UTRN: variants seen among roughly 807,000 people sequenced by gnomAD.
UTRN encodes the protein utrophin.
UTRN carries 283 observed loss-of-function variants against 463.9 expected under a neutral mutation model. The observed-to-expected ratio is 0.61, with a 90% CI of 0.55 to 0.67. The LOEUF is 0.67. UTRN is among the 30% of genes least tolerant of loss of function. The pLI, the probability that UTRN is intolerant of heterozygous loss-of-function variation, is 0.00. For missense variants in UTRN, 3,922 were observed against 4,084.3 expected (o/e 0.96, Z 1.08); for synonymous variants, 1,442 against 1,431.5 (o/e 1.01, Z -0.17).
rs1586786796 is a variant in UTRN at position 144,840,054 on chromosome 6, G to A, written c.10178-686G>A. ...AATACAAAAATTAGCCAGGCGTGGT[G>A]GAGCACTCCTGTAGTCCCAGCTACT... On this transcript the variant is annotated intron_variant, in intron 72 of 74. Transcript: ENST00000367545. Among the ~76,000 whole-genome samples the A allele has an allele frequency of 2.0e-5, 3 of 152,144 alleles. No homozygotes were observed. The South Asian group carries it at 6.2e-4, about 32-fold the overall frequency.
At chr6:144,352,470 C>T (rs1778192094) in intron 2 of UTRN, among the ~76,000 whole-genome samples, 1 of 152,134 alleles carries the variant, frequency 6.6e-6, no homozygotes, top group South Asian at 2.1e-4. Flanking sequence ...GGACATTTTG[C>T]AAGTTGGTTG....
At chr6:144,649,879 A>G (rs1778634795) in intron 51 of UTRN, among the ~76,000 whole-genome samples, 1 of 152,194 alleles carries the variant, frequency 6.6e-6, no homozygotes, top group African/African-American at 2.4e-5. Flanking sequence ...CATGCAGCAT[A>G]CAGAACTGGA....
At chr6:144,790,307 A>G (rs953185128) in intron 62 of UTRN, among the ~76,000 whole-genome samples, 6 of 152,170 alleles carry the variant, frequency 3.9e-5, no homozygotes, top group African/African-American at 1.2e-4. Flanking sequence ...TTTGTGGGAG[A>G]GGTTTAGGGA....
intron 53 of UTRN, 72 bp downstream of exon 53, chr6:144,700,315 G>A: frequency 6.8e-7 from 1 of 1,478,690 alleles, no homozygotes; most frequent in East Asian, 2.4e-5. Flanking sequence ...TACAATTATA[G>A]ATAAGTATCA....
chr6:144,673,391 A>G (rs920165483), intron 51 of UTRN, among the ~76,000 whole-genome samples: 3 of 151,914 alleles, frequency 2.0e-5, no homozygotes, highest in African/African-American at 4.8e-5. Flanking sequence ...TTTTATCATT[A>G]TATAATATCC....
chr6:144,761,508 A>T (rs1469082719), intron 58 of UTRN, among the ~76,000 whole-genome samples: 1 of 152,030 alleles, frequency 6.6e-6, no homozygotes, highest in African/African-American at 2.4e-5. Context: ...TTAGCTGGGC[A>T]TGGTAACATG....
In UTRN at chr6:144,757,692, A is replaced by T. The variant is rs150680101; in HGVS notation, c.8435-237A>T. On this transcript the variant is annotated intron_variant, in intron 57 of 74. Coordinates refer to ENST00000367545, the MANE Select transcript of UTRN (RefSeq NM_007124.3). ...CATTTGAAAGTTTAAAAGTATTTTT[A>T]TCAACAGGTTAGATTAGTTGGCATT... is the stretch of plus-strand genomic sequence containing the variant. Among the ~76,000 whole-genome samples the T allele has an allele frequency of 7.4e-3, 1,132 of 152,226 alleles. 21 individuals carry two copies. Among genetic ancestry groups the T allele is most frequent in the South Asian group, 0.047 (227 of 4,826 alleles).
intron 51 of UTRN, among the ~76,000 whole-genome samples, chr6:144,579,518 G>T (rs1485347964): frequency 3.3e-5 from 5 of 152,086 alleles, no homozygotes; most frequent in African/African-American, 1.2e-4. Context: ...AGAGTTTAAT[G>T]ATGTCTTCTG....
At chr6:144,621,989 G>A (rs1405631155) in intron 51 of UTRN, among the ~76,000 whole-genome samples, 2 of 150,104 alleles carry the variant, frequency 1.3e-5, no homozygotes, top group Middle Eastern at 3.2e-3. Context: ...TAAAGCTCTT[G>A]CTTATTTTTG....
intron 51 of UTRN, among the ~76,000 whole-genome samples, chr6:144,590,843 T>TACACACACAC (rs10531216): frequency 1.4e-5 from 2 of 145,900 alleles, no homozygotes; most frequent in Admixed American, 6.8e-5. Context: ...TCTCTCAATC[T>TACACACACAC]ACACACACAC....
At chr6:144,484,246 G>A (rs566423918) in intron 27 of UTRN, among the ~76,000 whole-genome samples, 1 of 152,096 alleles carries the variant, frequency 6.6e-6, no homozygotes, top group African/African-American at 2.4e-5. Context: ...GGTAAAATGT[G>A]GCTCTCTTAT....
intron 62 of UTRN, among the ~76,000 whole-genome samples, chr6:144,792,313 G>A (rs998247284): frequency 5.3e-5 from 8 of 152,148 alleles, no homozygotes; most frequent in Non-Finnish European, 1.0e-4. Flanking sequence ...TTGGGAGGCC[G>A]ATGTAGGGCA....
At chr6:144,476,624 G>GA (rs1409405500) in intron 25 of UTRN, among the ~76,000 whole-genome samples, 1 of 152,158 alleles carries the variant, frequency 6.6e-6, no homozygotes, top group Non-Finnish European at 1.5e-5. Flanking sequence ...AGCTAAGGAG[G>GA]AAAAATCAGT....
intron 2 of UTRN, among the ~76,000 whole-genome samples, chr6:144,294,712 A>G (rs1229469907): frequency 6.6e-6 from 1 of 152,166 alleles, no homozygotes; most frequent in African/African-American, 2.4e-5. Flanking sequence ...AAAAATGTCT[A>G]TGCATTTTAT....
intron 13 of UTRN, 112 bp downstream of exon 13, chr6:144,440,583 A>G: frequency 7.0e-7 from 1 of 1,420,356 alleles, no homozygotes; most frequent in Non-Finnish European, 9.7e-7. Context: ...AAGGGTAGAA[A>G]AACCTACCTT....
intron 53 of UTRN, chr6:144,708,411 C>T: frequency 1.6e-6 from 1 of 632,386 alleles, no homozygotes; most frequent in Admixed American, 2.1e-5. Flanking sequence ...CCTTTGGCCT[C>T]TCATATTTTC....
rs1782543206 is a variant in UTRN at position 144,852,544 on chromosome 6, T to C, written c.*1547T>C. 6.6e-6 allele frequency: 1 copy of C among 152,496 alleles called. No individual in the cohort carries two copies. Among genetic ancestry groups the C allele is most frequent in the South Asian group, 2.1e-4 (1 of 4,828 alleles). The allele number at this position is 152,496 out of a possible 1,614,324, so 9.4% of individuals were successfully genotyped here. On this transcript the variant is annotated 3_prime_UTR_variant, in exon 75 of 75. Transcript: ENST00000367545. Reference sequence around the variant, plus strand: ...AGGGTGTCTATTTGCAGCAGAGATATTTTGAAAAGAAGAAAATTGTTTTAT... The same window carrying C: ...AGGGTGTCTATTTGCAGCAGAGATACTTTGAAAAGAAGAAAATTGTTTTAT...
At chr6:144,663,386 T>G (rs916254186) in intron 51 of UTRN, among the ~76,000 whole-genome samples, 1 of 152,152 alleles carries the variant, frequency 6.6e-6, no homozygotes, top group Non-Finnish European at 1.5e-5. Context: ...ATAGGTAGTT[T>G]TATTTGCCAC....
At chr6:144,376,941 AT>A (rs1209331186) in intron 2 of UTRN, among the ~76,000 whole-genome samples, 2 of 152,210 alleles carry the variant, frequency 1.3e-5, no homozygotes, top group Non-Finnish European at 2.9e-5. Flanking sequence ...GATTAGAAAA[AT>A]ATGCACCCTG....
Sources: gnomAD v4.1 joint callset for allele counts (sites outside exome capture counted in the v4.1 genomes callset) on GRCh38, gnomAD v4.1.1 for gene constraint, MANE v1.5 for transcripts, NCBI Gene and HGNC (gene_info 2026-07-23, HGNC 2026-07-21) for gene names.